The following SLC14A2 variants were observed in gnomAD, a reference collection of about 807,000 sequenced individuals.
SLC14A2 encodes urea transporter 2.
Under a neutral mutation model 104.6 loss-of-function variants are expected in SLC14A2, and 91 were observed. The ratio of observed to expected loss-of-function variants is 0.87; its 90% confidence interval spans 0.73 to 1.04. The LOEUF is 1.04. Ranked by LOEUF, SLC14A2 falls within the 50% of genes least tolerant of loss-of-function variation. SLC14A2 has a pLI of 0.00. For synonymous variants in SLC14A2, 476 were observed against 466.4 expected (o/e 1.02, Z -0.27); for missense variants, 1,189 against 1,156.0 (o/e 1.03, Z -0.41).
intron 1 of SLC14A2, among the ~76,000 whole-genome samples, chr18:45,451,189 C>A (rs2144611946): frequency 6.6e-6 from 1 of 152,260 alleles, no homozygotes; most frequent in Non-Finnish European, 1.5e-5. Flanking sequence ...GTCCAGTCAA[C>A]TAACCCTGAC....
chr18:45,171,638 G>C, the SLC14A2 span, among the ~76,000 whole-genome samples: 1 of 152,134 alleles, frequency 6.6e-6, no homozygotes, highest in Non-Finnish European at 1.5e-5. Context: ...AGATGAAAAA[G>C]GGACAGCCAT....
At chr18:45,519,220 G>T (rs115255351) in intron 2 of SLC14A2, among the ~76,000 whole-genome samples, 1 of 152,154 alleles carries the variant, frequency 6.6e-6, no homozygotes, top group Non-Finnish European at 1.5e-5. Context: ...ACTGCAGAGC[G>T]CACTAACAAG....
intron 6 of SLC14A2, among the ~76,000 whole-genome samples, chr18:45,639,244 G>A (rs1003101886): frequency 2.0e-5 from 3 of 152,212 alleles, no homozygotes; most frequent in African/African-American, 4.8e-5. Context: ...CAGCAAGGGT[G>A]ACAAAGACCT....
At chr18:45,522,861 G>A (rs774124052) in intron 2 of SLC14A2, among the ~76,000 whole-genome samples, 33 of 152,100 alleles carry the variant, frequency 2.2e-4, no homozygotes, top group Non-Finnish European at 3.5e-4. Context: ...CTGTTGCCTT[G>A]GGCAATAGAA....
intron 1 of SLC14A2, among the ~76,000 whole-genome samples, chr18:45,381,726 G>A (rs546261174): frequency 2.0e-5 from 3 of 152,096 alleles, no homozygotes; most frequent in East Asian, 3.9e-4. Context: ...CTTCAACTCC[G>A]GGGGTTGGGG....
intron 1 of SLC14A2, among the ~76,000 whole-genome samples, chr18:45,256,719 T>C (rs953824742): frequency 2.6e-5 from 4 of 152,256 alleles, no homozygotes; most frequent in African/African-American, 9.6e-5. Context: ...CTATCACCAA[T>C]TGATGACCAA....
rs532444589 is a variant in SLC14A2 at position 45,543,880 on chromosome 18, A to G, written c.-35+60558A>G. On this transcript the variant is annotated intron_variant, in intron 2 of 20. Transcript: ENST00000586448. ...CTGTACAAACCACGTGGTTTATGCT[A>G]AACACCTATGTTCTGAAATGTTGGC... Among the ~76,000 whole-genome samples, 5 of 152,320 alleles carry G rather than the reference A, an allele frequency of 3.3e-5. No individual in the cohort carries two copies. In the East Asian group the frequency reaches 9.6e-4, roughly 29 times the overall value.
At chr18:45,350,729 A>G (rs1348195773) in intron 1 of SLC14A2, among the ~76,000 whole-genome samples, 1 of 151,866 alleles carries the variant, frequency 6.6e-6, no homozygotes, top group Non-Finnish European at 1.5e-5. Context: ...ATAAGACCCT[A>G]TTAGGGATTT....
At chr18:45,168,365 G>C in the SLC14A2 span, among the ~76,000 whole-genome samples, 5 of 152,102 alleles carry the variant, frequency 3.3e-5, no homozygotes, top group African/African-American at 1.2e-4. Flanking sequence ...GGAGCCAGAC[G>C]TTCGGTATTT....
At chr18:45,513,628 T>A (rs866208006) in intron 2 of SLC14A2, among the ~76,000 whole-genome samples, 37 of 152,292 alleles carry the variant, frequency 2.4e-4, no homozygotes, top group African/African-American at 8.4e-4. Context: ...GTGTTTAGAT[T>A]TTATCCATAT....
chr18:45,410,354 G>A (rs1055587735), intron 1 of SLC14A2, among the ~76,000 whole-genome samples: 5 of 152,102 alleles, frequency 3.3e-5, no homozygotes, highest in Non-Finnish European at 7.3e-5. Flanking sequence ...AAACTTTCAT[G>A]GGCAGGTCAT....
chr18:45,291,384 A>G (rs905597284), intron 1 of SLC14A2, among the ~76,000 whole-genome samples: 1 of 152,142 alleles, frequency 6.6e-6, no homozygotes, highest in Admixed American at 6.5e-5. Context: ...GGAACTAAAC[A>G]TGTTATTGGG....
At chr18:45,514,504 T>C (rs1374617909) in intron 2 of SLC14A2, among the ~76,000 whole-genome samples, 1 of 152,202 alleles carries the variant, frequency 6.6e-6, no homozygotes, top group African/African-American at 2.4e-5. Flanking sequence ...AGCCAAACCA[T>C]ATCAGAGCTA....
At chr18:45,356,031 G>A (rs966916814) in intron 1 of SLC14A2, among the ~76,000 whole-genome samples, 1 of 152,166 alleles carries the variant, frequency 6.6e-6, no homozygotes, top group African/African-American at 2.4e-5. Flanking sequence ...AACATTGCAG[G>A]GGTTTTGTGA....
the SLC14A2 span, among the ~76,000 whole-genome samples, chr18:45,194,240 A>G: frequency 6.6e-5 from 10 of 152,208 alleles, no homozygotes; most frequent in African/African-American, 2.4e-4. Flanking sequence ...AATGCTGACT[A>G]GAAGTGATGA....
intron 1 of SLC14A2, among the ~76,000 whole-genome samples, chr18:45,268,347 G>A (rs1425328730): frequency 6.6e-6 from 1 of 152,186 alleles, no homozygotes; most frequent in Non-Finnish European, 1.5e-5. Context: ...GTAGTTAAAT[G>A]TTCGTATAAA....
intron 1 of SLC14A2, among the ~76,000 whole-genome samples, chr18:45,215,234 A>G (rs968776878): frequency 2.6e-5 from 4 of 152,222 alleles, no homozygotes; most frequent in African/African-American, 9.6e-5. Flanking sequence ...ATCAATATTC[A>G]CCTGCTTTCC....
intron 1 of SLC14A2, among the ~76,000 whole-genome samples, chr18:45,392,274 C>T (rs2085978606): frequency 6.6e-6 from 1 of 152,166 alleles, no homozygotes; most frequent in Non-Finnish European, 1.5e-5. Context: ...CCTATGCTTG[C>T]CTGGTTTTGT....
chr18:45,667,144 C>T, intron 13 of SLC14A2, 50 bp downstream of exon 13: 1 of 1,506,104 alleles, frequency 6.6e-7, no homozygotes, highest in Non-Finnish European at 9.1e-7. Context: ...AACTCACCTC[C>T]ACCCATCCCC....
Sources: gnomAD v4.1 joint callset for allele counts (sites outside exome capture counted in the v4.1 genomes callset) on GRCh38, gnomAD v4.1.1 for gene constraint, MANE v1.5 for transcripts, NCBI Gene and HGNC (gene_info 2026-07-23, HGNC 2026-07-21) for gene names.